KANSL3: variants seen among roughly 807,000 people sequenced by gnomAD.
KANSL3 encodes NSL complex protein NSL3.
Under a neutral mutation model 89.2 loss-of-function variants are expected in KANSL3, and 16 were observed. That is an observed-to-expected ratio of 0.18 (90% CI 0.12 to 0.27). KANSL3 has a LOEUF of 0.27. KANSL3 is among the 10% of genes least tolerant of loss of function. KANSL3 has a pLI of 1.00. For missense variants in KANSL3, 879 were observed against 1,110.6 expected, an observed-to-expected ratio of 0.79 and a Z score of 2.96; for synonymous variants, 385 against 419.7, an observed-to-expected ratio of 0.92 and a Z score of 1.01.
At chr2:96,633,439 C>T (rs1243407167) in intron 2 of KANSL3, among the ~76,000 whole-genome samples, 4 of 151,434 alleles carry the variant, frequency 2.6e-5, no homozygotes, top group Non-Finnish European at 4.4e-5. Context: ...TGTGGTGGCA[C>T]GTGCCTGTAG....
chr2:96,604,420 A>G, intron 16 of KANSL3, 40 bp from the exon 17 acceptor site: 2 of 1,597,556 alleles, frequency 1.3e-6, no homozygotes, highest in African/African-American at 1.3e-5. Flanking sequence ...CAAAGGTCAC[A>G]GGACAGCAAG....
intron 5 of KANSL3, chr2:96,615,179 A>AAAAAAAAAAAAAAAAAAAAAAAAAC (rs1418973806): frequency 6.6e-6 from 1 of 151,838 alleles, no homozygotes; most frequent in African/African-American, 2.4e-5. Flanking sequence ...AAAAAAAAAA[A>AAAAAAAAAAAAAAAAAAAAAAAAAC]AAAAAAAAAG....
At chr2:96,604,194 AAGC>A in intron 17 of KANSL3, 53 bp downstream of exon 17, 5 of 1,536,282 alleles carry the variant, frequency 3.3e-6, no homozygotes, top group Non-Finnish European at 4.4e-6. Context: ...GACCACCCAG[AAGC>A]AGCAGACCAA....
chr2:96,603,662 A>G (rs2105114056), intron 17 of KANSL3: 1 of 152,610 alleles, frequency 6.6e-6, no homozygotes, highest in East Asian at 1.9e-4. Context: ...TGGGTAGGAC[A>G]AAGAGAGAGA....
At chr2:96,600,927 T>G (rs2067089111) in intron 20 of KANSL3, 1 of 982,886 alleles carries the variant, frequency 1.0e-6, no homozygotes, top group Non-Finnish European at 1.2e-6. Context: ...GGAGGACCAC[T>G]TAAACCTTGG....
intron 3 of KANSL3, among the ~76,000 whole-genome samples, chr2:96,631,111 T>C (rs1401452405): frequency 6.6e-6 from 1 of 152,226 alleles, no homozygotes; most frequent in African/African-American, 2.4e-5. Context: ...GTGTGAAGTA[T>C]GCAAAGATGG....
intron 12 of KANSL3, among the ~76,000 whole-genome samples, 190 bp from the exon 13 acceptor site, chr2:96,609,254 A>C (rs2068480225): frequency 6.6e-6 from 1 of 152,214 alleles, no homozygotes; most frequent in South Asian, 2.1e-4. Flanking sequence ...AAGACCAGCA[A>C]GTGCCTCTGT....
chr2:96,628,869 G>A (rs1325099836), intron 3 of KANSL3, among the ~76,000 whole-genome samples: 5 of 151,996 alleles, frequency 3.3e-5, no homozygotes, highest in African/African-American at 1.2e-4. Flanking sequence ...ACCATACCAG[G>A]CCACCTTGTT....
chr2:96,608,022 T>C (rs557531564), intron 14 of KANSL3, among the ~76,000 whole-genome samples: 4 of 152,316 alleles, frequency 2.6e-5, no homozygotes, highest in Middle Eastern at 3.4e-3. Flanking sequence ...CTTTCGACTA[T>C]AGGAATACTT....
At chr2:96,589,070 TA>T (rs2066258233), downstream of KANSL3, among the ~76,000 whole-genome samples, 1 of 152,076 alleles carries the variant, frequency 6.6e-6, no homozygotes, top group African/African-American at 2.4e-5. Context: ...TAAAAAACTA[TA>T]CAAGGAGATA....
intron 10 of KANSL3, 31 bp from the exon 11 acceptor site, chr2:96,610,914 TC>T: frequency 6.2e-7 from 1 of 1,608,386 alleles, no homozygotes; most frequent in Non-Finnish European, 8.5e-7. Flanking sequence ...AGAATCGGCT[TC>T]TTCATATTCA....
At chr2:96,581,882 T>A in the KANSL3 span, among the ~76,000 whole-genome samples, 1 of 152,226 alleles carries the variant, frequency 6.6e-6, no homozygotes, top group Non-Finnish European at 1.5e-5. Context: ...CAAGGTTAAC[T>A]GAGATTCTTG....
At chr2:96,612,429 T>C in intron 8 of KANSL3, 33 bp downstream of exon 8, 1 of 1,605,358 alleles carries the variant, frequency 6.2e-7, no homozygotes, top group East Asian at 2.2e-5. Flanking sequence ...ATGCTGGGTA[T>C]GCCACAATGT....
chr2:96,595,508 TC>T lies in KANSL3; in HGVS notation c.*102del. On this transcript the variant is annotated 3_prime_UTR_variant, in exon 21 of 21. Coordinates refer to ENST00000431828, the MANE Select transcript of KANSL3 (RefSeq NM_001115016.3). Reference sequence around the variant, plus strand: ...GGCAAAAATGACTGTCTTAAACAGGTCTTCCGACACGTGGACAGCTCAGCAG... The same window carrying T: ...GGCAAAAATGACTGTCTTAAACAGGTTTCCGACACGTGGACAGCTCAGCAG... 7.9e-7 allele frequency: 1 copy of T among 1,268,396 alleles called. No individual in the cohort carries two copies. Among genetic ancestry groups the T allele is most frequent in the Admixed American group, 2.1e-5 (1 of 48,690 alleles). 78.6% of individuals were successfully genotyped at this position (1,268,396 alleles called of 1,614,324 possible). A position where few individuals can be genotyped will look rare whatever the true frequency, so the allele number is the denominator to read the frequency against.
chr2:96,605,587 A>G, intron 14 of KANSL3, 76 bp from the exon 15 acceptor site: 1 of 1,202,124 alleles, frequency 8.3e-7, no homozygotes, highest in African/African-American at 1.5e-5. Context: ...ACCAGCACCA[A>G]CACAGCCATG....
intron 3 of KANSL3, among the ~76,000 whole-genome samples, chr2:96,620,950 C>T (rs917184131): frequency 4.6e-5 from 7 of 151,954 alleles, no homozygotes; most frequent in African/African-American, 1.5e-4. Context: ...TGCAGTGAGC[C>T]GTGATCATGC....
chr2:96,622,773 ACCCTCTACTC>A (rs1367393216), intron 3 of KANSL3, among the ~76,000 whole-genome samples: 1 of 151,982 alleles, frequency 6.6e-6, no homozygotes, highest in African/African-American at 2.4e-5. Flanking sequence ...CCCTCACAGC[ACCCTCTACTC>A]CCCTGCCCTT....
chr2:96,591,372 G>A (rs1488155828), downstream of KANSL3, among the ~76,000 whole-genome samples: 2 of 152,152 alleles, frequency 1.3e-5, no homozygotes, highest in African/African-American at 2.4e-5. Flanking sequence ...GGTGGCATGA[G>A]GGAGATCTTT....
intron 6 of KANSL3, 22 bp from the exon 7 acceptor site, chr2:96,612,956 C>A (rs1260770095): frequency 4.0e-6 from 6 of 1,487,032 alleles, no homozygotes; most frequent in Non-Finnish European, 5.5e-6. Context: ...GAATCCCACC[C>A]AAAAACCAGT....
Sources: gnomAD v4.1 joint callset for allele counts (sites outside exome capture counted in the v4.1 genomes callset) on GRCh38, gnomAD v4.1.1 for gene constraint, MANE v1.5 for transcripts, NCBI Gene and HGNC (gene_info 2026-07-23, HGNC 2026-07-21) for gene names.